The following NBAS variants were observed in gnomAD, a reference collection of about 807,000 sequenced individuals.
NBAS encodes NBAS subunit of NRZ tethering complex.
In NBAS, 219 loss-of-function variants were observed where a neutral mutation model predicts 302.5. The ratio of observed to expected loss-of-function variants is 0.72; its 90% CI spans 0.65 to 0.81. The LOEUF (loss-of-function observed/expected upper bound fraction) is 0.81. NBAS is among the 30% of genes least tolerant of loss of function. The pLI is 0.00. For missense variants in NBAS, 2,932 were observed against 2,841.6 expected (o/e 1.03, Z -0.72); for synonymous variants, 1,118 against 1,021.6 (o/e 1.09, Z -1.80).
chr2:15,338,704 C>CACACA (rs1302550645), intron 35 of NBAS, among the ~76,000 whole-genome samples: 1 of 151,022 alleles, frequency 6.6e-6, no homozygotes, highest in East Asian at 2.0e-4. Context: ...CACACACACA[C>CACACA]ACACACATCA....
chr2:14,824,249 C>T, the NBAS span, among the ~76,000 whole-genome samples: 19,274 of 152,142 alleles, frequency 0.13, 1,419 homozygotes, highest in African/African-American at 0.19. Flanking sequence ...AAAATATTAC[C>T]TAGGTTTCAC....
At chr2:15,376,578 TG>T (rs761134799) in intron 30 of NBAS, among the ~76,000 whole-genome samples, 3 of 152,270 alleles carry the variant, frequency 2.0e-5, no homozygotes, top group East Asian at 1.9e-4. Context: ...TAATTCCTTC[TG>T]AGATAAGATA....
chr2:15,446,730 A>C (rs569696681), intron 21 of NBAS, among the ~76,000 whole-genome samples: 1 of 152,176 alleles, frequency 6.6e-6, no homozygotes, highest in Non-Finnish European at 1.5e-5. Flanking sequence ...TAAAAGTTAA[A>C]TGTATGGCAA....
At chr2:14,983,443 T>C in the NBAS span, among the ~76,000 whole-genome samples, 1 of 152,240 alleles carries the variant, frequency 6.6e-6, no homozygotes, top group African/African-American at 2.4e-5. Context: ...TCTTTATTTC[T>C]AAAGTGAGCA....
the NBAS span, among the ~76,000 whole-genome samples, chr2:15,054,298 T>C: frequency 6.6e-6 from 1 of 152,182 alleles, no homozygotes; most frequent in Non-Finnish European, 1.5e-5. Context: ...ACAAAGTCAA[T>C]GCTGAGGCCA....
At chr2:15,413,090 C>T (rs564882608) in intron 25 of NBAS, among the ~76,000 whole-genome samples, 2 of 152,342 alleles carry the variant, frequency 1.3e-5, no homozygotes, top group East Asian at 1.9e-4. Context: ...CCCCAATAAA[C>T]CCTAACCCAT....
At chr2:15,507,275 G>C (rs537917057) in intron 10 of NBAS, among the ~76,000 whole-genome samples, 3 of 152,270 alleles carry the variant, frequency 2.0e-5, no homozygotes, top group South Asian at 4.1e-4. Context: ...CACAGCTGCT[G>C]GCAGGGTGTG....
the NBAS span, among the ~76,000 whole-genome samples, chr2:14,887,510 C>T: frequency 1.3e-5 from 2 of 152,052 alleles, no homozygotes; most frequent in Admixed American, 1.3e-4. Flanking sequence ...ATGCAGAGGA[C>T]CAGGAGTAGC....
intron 51 of NBAS, among the ~76,000 whole-genome samples, chr2:15,176,919 T>G (rs1224936988): frequency 6.6e-6 from 1 of 152,224 alleles, no homozygotes. Context: ...AAAATGTTTT[T>G]AAAATGGAAA....
In NBAS at chr2:15,558,623, G is replaced by GT; in HGVS notation, c.128dup (p.Asn43LysfsTer36). 6.2e-7 allele frequency: 1 copy of GT among 1,612,580 alleles called. No individual in the cohort carries two copies. Among genetic ancestry groups the GT allele is most frequent in the Non-Finnish European group, 8.5e-7 (1 of 1,179,270 alleles). ...TGATAAAGGATGCACCATGTTTTTG[G>GT]TTGCCTCTAGGCTGGAATTTAAAAC... On this transcript the variant is annotated frameshift_variant, in exon 2 of 52. Coordinates refer to ENST00000281513, the MANE Select transcript of NBAS (RefSeq NM_015909.4). LOFTEE classifies it high-confidence loss of function.
intron 33 of NBAS, 28 bp downstream of exon 33, chr2:15,356,275 C>G: frequency 6.4e-7 from 1 of 1,554,114 alleles, no homozygotes; most frequent in Non-Finnish European, 8.9e-7. Flanking sequence ...AGGACATAAG[C>G]AAAGTGTTAA....
chr2:15,330,773 A>C lies in NBAS; in HGVS notation c.4180-8T>G. 6.2e-7 allele frequency: 1 copy of C among 1,613,472 alleles called. No homozygotes were observed. The highest frequency in any genetic ancestry group is 8.5e-7 in the Non-Finnish European group (1 of 1,179,694). On this transcript the variant is annotated splice_region_variant and splice_polypyrimidine_tract_variant and intron_variant, in intron 35 of 51. Transcript: ENST00000281513. ...TGGAACACCTACTTCATCCTGTATT[A>C]AAGAAACAAAATAGCAAGGGCAAAA... is the stretch of plus-strand genomic sequence containing the variant.
chr2:15,134,046 G>C, the NBAS span, among the ~76,000 whole-genome samples: 3 of 108,546 alleles, frequency 2.8e-5, no homozygotes, highest in African/African-American at 1.1e-4. Context: ...GCACATACAT[G>C]AACATTTCTT....
Position 15,188,525 on chromosome 2 carries a change from T to C in NBAS, c.6573-1645A>G, listed in dbSNP as rs553039114. Reference sequence around the variant, plus strand: ...ATCTCTTAGGCAGAGGAGACATGAATGATAGGAGGGGAGGGGGTGAGCAGA... The same window carrying C: ...ATCTCTTAGGCAGAGGAGACATGAACGATAGGAGGGGAGGGGGTGAGCAGA... On this transcript the variant is annotated intron_variant, in intron 49 of 51. Coordinates refer to ENST00000281513, the MANE Select transcript of NBAS (RefSeq NM_015909.4). 3.1e-4 allele frequency among the ~76,000 whole-genome samples: 47 copies of C among 152,322 alleles called. 1 individual carries two copies. Among genetic ancestry groups the C allele is most frequent in the African/African-American group, 8.9e-4 (37 of 41,578 alleles).
the NBAS span, among the ~76,000 whole-genome samples, chr2:14,837,849 C>A: frequency 2.6e-5 from 4 of 151,672 alleles, no homozygotes; most frequent in African/African-American, 9.7e-5. Flanking sequence ...GTATAATGTT[C>A]TTTTTGCTGA....
At chr2:15,336,363 A>G (rs1434543169) in intron 35 of NBAS, among the ~76,000 whole-genome samples, 2 of 152,154 alleles carry the variant, frequency 1.3e-5, no homozygotes, top group African/African-American at 4.8e-5. Context: ...AAAAATCTCT[A>G]TTGCTTGGAT....
At chr2:15,375,166 A>G (rs780722468) in intron 30 of NBAS, among the ~76,000 whole-genome samples, 1 of 152,256 alleles carries the variant, frequency 6.6e-6, no homozygotes, top group Non-Finnish European at 1.5e-5. Context: ...AAAAGAAACA[A>G]GAAATGACTT....
the NBAS span, among the ~76,000 whole-genome samples, chr2:15,124,659 G>C: frequency 6.6e-6 from 1 of 152,226 alleles, no homozygotes; most frequent in South Asian, 2.1e-4. Flanking sequence ...CTCAATCTCA[G>C]GACACTTGCT....
the NBAS span, among the ~76,000 whole-genome samples, chr2:14,809,986 AG>A: frequency 6.6e-6 from 1 of 152,224 alleles, no homozygotes; most frequent in East Asian, 1.9e-4. Context: ...TGGGGCTTGC[AG>A]CCCCTTTGTT....
Sources: gnomAD v4.1 joint callset for allele counts (sites outside exome capture counted in the v4.1 genomes callset) on GRCh38, gnomAD v4.1.1 for gene constraint, MANE v1.5 for transcripts, NCBI Gene and HGNC (gene_info 2026-07-23, HGNC 2026-07-21) for gene names.